Variants in EPHA4 observed in about 807,000 individuals in gnomAD.
The protein encoded by EPHA4 is EPH receptor A4, also known as ephrin type-A receptor 4.
EPHA4 carries 19 observed loss-of-function variants against 108.3 expected under a neutral mutation model. The observed-to-expected ratio is 0.18, with a 90% CI of 0.12 to 0.26. The LOEUF is 0.26. Ranked by LOEUF, EPHA4 falls within the 10% of genes least tolerant of loss-of-function variation. The probability of loss-of-function intolerance (pLI) is 1.00; values close to 1 mark genes in which losing one functional copy is unlikely to be tolerated. For missense variants in EPHA4, 917 were observed against 1,254.0 expected (o/e 0.73, Z 4.06); for synonymous variants, 449 against 455.5 (o/e 0.99, Z 0.18).
chr2:221,435,221 T>C (rs1288477368), intron 13 of EPHA4, among the ~76,000 whole-genome samples: 9 of 152,192 alleles, frequency 5.9e-5, no homozygotes, highest in Admixed American at 2.6e-4. Flanking sequence ...ATTGCATTCA[T>C]CCTTGTTACG....
At position 221,425,414 on chromosome 2, in the gene EPHA4, T is replaced by G. The variant is rs1448182957; in HGVS notation, c.*614A>C. The G allele has an allele frequency of 6.5e-6, 1 of 152,852 alleles. No individual in the cohort carries two copies. Among genetic ancestry groups the G allele is most frequent in the Non-Finnish European group, 1.5e-5 (1 of 68,260 alleles). 9.5% of individuals were successfully genotyped at this position (152,852 alleles called of 1,614,324 possible). On this transcript the variant is annotated 3_prime_UTR_variant, in exon 17 of 18. Coordinates refer to ENST00000281821, the MANE Select transcript of EPHA4 (RefSeq NM_004438.5). ...GGGGCTTGGGTTACGTATATATATA[T>G]TTTAAATCCACTTTCCCTTTCTTTC...
intron 11 of EPHA4, among the ~76,000 whole-genome samples, chr2:221,439,441 A>G (rs761274637): frequency 1.7e-4 from 26 of 151,144 alleles, no homozygotes; most frequent in Non-Finnish European, 3.4e-4. Context: ...GGTTACAGTG[A>G]GCCAAGATCG....
At chr2:221,545,660 C>T (rs1232150785) in intron 3 of EPHA4, among the ~76,000 whole-genome samples, 1 of 152,050 alleles carries the variant, frequency 6.6e-6, no homozygotes, top group South Asian at 2.1e-4. Flanking sequence ...ATGGAATAAC[C>T]ATGCACCAAT....
intron 3 of EPHA4, among the ~76,000 whole-genome samples, chr2:221,505,217 A>C (rs1692593977): frequency 6.6e-6 from 1 of 152,244 alleles, no homozygotes; most frequent in African/African-American, 2.4e-5. Flanking sequence ...TTAGTATCCC[A>C]AAAGTAAAAC....
chr2:221,544,055 G>A (rs924470336), intron 3 of EPHA4, among the ~76,000 whole-genome samples: 1 of 151,984 alleles, frequency 6.6e-6, no homozygotes, highest in Non-Finnish European at 1.5e-5. Flanking sequence ...AGCTCTCTGG[G>A]GTCCCTTTTA....
intron 3 of EPHA4, among the ~76,000 whole-genome samples, chr2:221,521,870 G>A (rs1447274425): frequency 2.6e-5 from 4 of 152,164 alleles, no homozygotes; most frequent in Non-Finnish European, 4.4e-5. Flanking sequence ...CCAGCTACTC[G>A]GGAGGCTGAG....
rs556643823 is a variant in EPHA4 at position 221,568,353 on chromosome 2, A to T, written c.159+365T>A. 3.3e-5 allele frequency among the ~76,000 whole-genome samples: 5 copies of T among 152,246 alleles called. No homozygotes were observed. In the South Asian group the frequency reaches 1.0e-3, roughly 32 times the overall value. On this transcript the variant is annotated intron_variant, in intron 2 of 17. Coordinates refer to ENST00000281821, the MANE Select transcript of EPHA4 (RefSeq NM_004438.5). Reference sequence around the variant, plus strand: ...TTTTTTTTCATCTGGAAGCAGGACAATTGCTCTTAAATTAACCTTGTCAGG... The same window carrying T: ...TTTTTTTTCATCTGGAAGCAGGACATTTGCTCTTAAATTAACCTTGTCAGG...
chr2:221,539,908 A>G (rs1693782076), intron 3 of EPHA4, among the ~76,000 whole-genome samples: 1 of 152,016 alleles, frequency 6.6e-6, no homozygotes, highest in Admixed American at 6.6e-5. Flanking sequence ...TTTACAAGCC[A>G]GTTTTCTTTT....
intron 3 of EPHA4, among the ~76,000 whole-genome samples, chr2:221,536,366 G>T (rs16862811): frequency 0.11 from 16,331 of 152,148 alleles, 1,078 homozygotes; most frequent in East Asian, 0.15. Context: ...AATGAGAAAT[G>T]GTTTTTAATC....
intron 3 of EPHA4, among the ~76,000 whole-genome samples, chr2:221,526,489 C>T (rs1693325975): frequency 6.6e-6 from 1 of 151,584 alleles, no homozygotes; most frequent in African/African-American, 2.4e-5. Flanking sequence ...ATATACACGT[C>T]TCAAAGGTCT....
chr2:221,462,838 C>T (rs910598673), intron 5 of EPHA4, among the ~76,000 whole-genome samples: 1 of 152,246 alleles, frequency 6.6e-6, no homozygotes, highest in South Asian at 2.1e-4. Flanking sequence ...CTGTTACAGA[C>T]AGCATTTTGA....
In EPHA4 at chr2:221,537,997, TA is replaced by T. The variant is rs1022464415; in HGVS notation, c.823+25733del. 1.4e-4 allele frequency among the ~76,000 whole-genome samples: 21 copies of T among 151,666 alleles called. No individual in the cohort carries two copies. In the East Asian group the frequency reaches 2.9e-3, roughly 21 times the overall value. ...CATGAAAGTCTCTGTATTTGTTTGC[TA>T]AAAAAAAAGGGGGGGTTATACTTTA... On this transcript the variant is annotated intron_variant, in intron 3 of 17. Coordinates refer to ENST00000281821, the MANE Select transcript of EPHA4 (RefSeq NM_004438.5).
intron 4 of EPHA4, among the ~76,000 whole-genome samples, chr2:221,486,790 C>T (rs986302194): frequency 1.3e-5 from 2 of 149,878 alleles, no homozygotes; most frequent in African/African-American, 4.9e-5. Context: ...ATGTCTTTAT[C>T]ACTTCCTGTT....
intron 3 of EPHA4, among the ~76,000 whole-genome samples, chr2:221,526,794 C>T (rs1574635437): frequency 2.3e-5 from 3 of 129,578 alleles, no homozygotes. Context: ...TTGCAGTGGG[C>T]CGAGATCGAG....
chr2:221,470,337 G>C lies in EPHA4; in HGVS notation c.1318+12015C>G, dbSNP rs560519996. On this transcript the variant is annotated intron_variant, in intron 5 of 17. Coordinates refer to ENST00000281821, the MANE Select transcript of EPHA4 (RefSeq NM_004438.5). The stretch of plus-strand genomic sequence containing the variant: ...AGAGAGACAGAGAGAGAAAGGGCGG[G>C]GGGGAGAGAGAGAGAGAGAGAGAGA... Among the ~76,000 whole-genome samples the C allele has an allele frequency of 8.6e-5, 13 of 151,524 alleles. No individual in the cohort carries two copies. In the South Asian group the frequency reaches 1.1e-3, roughly 12 times the overall value.
chr2:221,458,939 A>G (rs1309792314), intron 5 of EPHA4, among the ~76,000 whole-genome samples: 1 of 152,202 alleles, frequency 6.6e-6, no homozygotes, highest in Non-Finnish European at 1.5e-5. Flanking sequence ...CAATGTATAT[A>G]TTCTTTTATT....
intron 3 of EPHA4, among the ~76,000 whole-genome samples, chr2:221,526,852 C>CAAAAAAAAAAAAAAAA (rs528335766): frequency 2.1e-5 from 1 of 48,618 alleles, no homozygotes; most frequent in African/African-American, 8.3e-5. Context: ...GACTCGGCCT[C>CAAAAAAAAAAAAAAAA]AAAAAAAAAA....
intron 3 of EPHA4, among the ~76,000 whole-genome samples, chr2:221,522,760 TATTA>T (rs1693204626): frequency 1.5e-5 from 2 of 133,208 alleles, no homozygotes; most frequent in African/African-American, 5.3e-5. Flanking sequence ...TTATTATTAT[TATTA>T]TTATTATTAT....
intron 17 of EPHA4, among the ~76,000 whole-genome samples, chr2:221,421,301 A>AAAAAAAAAGAAAAG (rs1689755493): frequency 6.6e-6 from 1 of 151,538 alleles, no homozygotes; most frequent in Non-Finnish European, 1.5e-5. Context: ...CTCTGTCTCA[A>AAAAAAAAAGAAAAG]AAAAAAAAGA....
Sources: allele counts gnomAD v4.1 joint callset (sites outside exome capture counted in the v4.1 genomes callset), GRCh38; gene constraint gnomAD v4.1.1; transcripts MANE v1.5; gene names NCBI Gene and HGNC (gene_info 2026-07-23, HGNC 2026-07-21).